The following ULK4 variants were observed in gnomAD, a reference collection of about 807,000 sequenced individuals.
The protein encoded by ULK4 is inactive serine/threonine-protein kinase ULK4.
ULK4 carries 133 observed loss-of-function variants against 160.6 expected under a neutral mutation model. The ratio of observed to expected loss-of-function variants is 0.83; its 90% confidence interval spans 0.72 to 0.96. ULK4 has a LOEUF of 0.96. Among genes scored for constraint, ULK4 ranks in the 40% least tolerant of loss-of-function variants. ULK4 has a pLI of 0.00. For missense variants in ULK4, 1,580 were observed against 1,499.5 expected (o/e 1.05, Z -0.89); for synonymous variants, 534 against 539.8 (o/e 0.99, Z 0.15).
intron 27 of ULK4, among the ~76,000 whole-genome samples, chr3:41,702,923 A>T (rs1206541507): frequency 1.4e-5 from 2 of 146,260 alleles, no homozygotes; most frequent in Non-Finnish European, 3.0e-5. Context: ...GCACAACCTC[A>T]GCTCACTGCA....
At chr3:41,677,857 T>C (rs2035782756) in intron 29 of ULK4, among the ~76,000 whole-genome samples, 1 of 152,064 alleles carries the variant, frequency 6.6e-6, no homozygotes, top group Non-Finnish European at 1.5e-5. Context: ...GAGATTAACG[T>C]TTGAATCGGT....
At position 41,789,828 on chromosome 3, in the gene ULK4, T is replaced by A; in HGVS notation, c.2026A>T (p.Thr676Ser). 2 of 1,610,492 alleles carry A rather than the reference T, an allele frequency of 1.2e-6. No individual in the cohort carries two copies. Among genetic ancestry groups the A allele is most frequent in the Non-Finnish European group, 1.7e-6 (2 of 1,178,430 alleles). Residue 676 changes from threonine to serine, a missense_variant, in exon 21 of 37, where the codon ACT (threonine) becomes TCT (serine). Coordinates refer to ENST00000301831, the MANE Select transcript of ULK4 (RefSeq NM_017886.4). ...ITAVSALCRITRHSPTAFQNV... is the reference protein window; with the variant it reads ...ITAVSALCRISRHSPTAFQNV... ...TGGAAGGCAGTAGGAGAATGGCGAGTGATTCTACACAAGGCCTACAAAGAC... is the reference window on the plus strand; with the variant it reads ...TGGAAGGCAGTAGGAGAATGGCGAGAGATTCTACACAAGGCCTACAAAGAC...
chr3:41,612,645 G>A (rs557947261), intron 31 of ULK4, among the ~76,000 whole-genome samples: 4 of 152,246 alleles, frequency 2.6e-5, no homozygotes, highest in African/African-American at 9.6e-5. Flanking sequence ...GGGGCTCGTG[G>A]TTTGCCATAC....
intron 1 of ULK4, among the ~76,000 whole-genome samples, chr3:41,955,159 G>A (rs545240203): frequency 6.6e-5 from 10 of 152,220 alleles, no homozygotes; most frequent in African/African-American, 2.4e-4. Context: ...GTGTTGTGAT[G>A]CGCGCCTGTA....
chr3:41,384,462 G>T (rs1427610276), intron 35 of ULK4, among the ~76,000 whole-genome samples: 2 of 152,184 alleles, frequency 1.3e-5, no homozygotes, highest in African/African-American at 2.4e-5. Context: ...GGGAGGCTGA[G>T]GCAGGCGATC....
intron 35 of ULK4, among the ~76,000 whole-genome samples, chr3:41,349,879 A>G (rs1032739785): frequency 6.6e-6 from 1 of 152,224 alleles, no homozygotes; most frequent in Admixed American, 6.5e-5. Context: ...CCCTATAAAT[A>G]TCACCATAGC....
chr3:41,522,328 C>T (rs776151114), intron 32 of ULK4, among the ~76,000 whole-genome samples: 14 of 151,668 alleles, frequency 9.2e-5, no homozygotes, highest in Non-Finnish European at 1.6e-4. Context: ...TTAGTAGAGA[C>T]GGGGTTTCAC....
At chr3:41,735,919 C>T (rs2038024501) in intron 22 of ULK4, among the ~76,000 whole-genome samples, 2 of 143,170 alleles carry the variant, frequency 1.4e-5, no homozygotes, top group African/African-American at 5.2e-5. Flanking sequence ...TCAATTCCCA[C>T]CTATGAGTGA....
At chr3:41,505,391 A>G (rs2085341764) in intron 32 of ULK4, among the ~76,000 whole-genome samples, 1 of 152,162 alleles carries the variant, frequency 6.6e-6, no homozygotes, top group Admixed American at 6.5e-5. Flanking sequence ...ATCCATCCAT[A>G]CTGTATTAAC....
At chr3:41,928,934 T>G (rs572215057) in intron 5 of ULK4, among the ~76,000 whole-genome samples, 10 of 152,214 alleles carry the variant, frequency 6.6e-5, no homozygotes, top group African/African-American at 1.9e-4. Flanking sequence ...ATAACATCCC[T>G]TCTGAAACTA....
At chr3:41,286,741 C>T (rs913673015) in intron 35 of ULK4, among the ~76,000 whole-genome samples, 4 of 152,214 alleles carry the variant, frequency 2.6e-5, no homozygotes, top group Non-Finnish European at 5.9e-5. Context: ...AGGGTACCTT[C>T]CTTCTAGTCC....
chr3:41,710,685 T>C (rs2037063249), intron 25 of ULK4, among the ~76,000 whole-genome samples: 1 of 151,674 alleles, frequency 6.6e-6, no homozygotes, highest in South Asian at 2.1e-4. Flanking sequence ...TCCCAGCTAC[T>C]TGGGAGGCTG....
chr3:41,398,324 A>G, intron 34 of ULK4, 60 bp from the exon 35 acceptor site: 1 of 1,560,996 alleles, frequency 6.4e-7, no homozygotes, highest in East Asian at 2.3e-5. Flanking sequence ...GTACTCAAAA[A>G]AAACACAGTA....
chr3:41,899,902 T>C (rs1486979320), intron 13 of ULK4, among the ~76,000 whole-genome samples: 1 of 151,908 alleles, frequency 6.6e-6, no homozygotes, highest in Non-Finnish European at 1.5e-5. Flanking sequence ...AAATAAGAAT[T>C]CAAGAACCTT....
At chr3:41,698,242 G>A (rs766223156) in intron 27 of ULK4, among the ~76,000 whole-genome samples, 9 of 152,186 alleles carry the variant, frequency 5.9e-5, no homozygotes, top group Non-Finnish European at 8.8e-5. Flanking sequence ...TACAAGCTGA[G>A]CATTCCTAAT....
intron 30 of ULK4, among the ~76,000 whole-genome samples, chr3:41,651,205 TC>T (rs980083304): frequency 3.9e-5 from 6 of 152,186 alleles, no homozygotes; most frequent in Admixed American, 3.9e-4. Context: ...TGTTATTCTC[TC>T]CTTCTTAAAG....
At chr3:41,639,019 C>T (rs2034073368) in intron 30 of ULK4, among the ~76,000 whole-genome samples, 1 of 152,192 alleles carries the variant, frequency 6.6e-6, no homozygotes, top group African/African-American at 2.4e-5. Flanking sequence ...TAAAACAGAA[C>T]CATGATGCCA....
At chr3:41,553,952 G>A (rs1367875193) in intron 32 of ULK4, among the ~76,000 whole-genome samples, 4 of 151,776 alleles carry the variant, frequency 2.6e-5, no homozygotes, top group Non-Finnish European at 4.4e-5. Flanking sequence ...ATTGGTAACC[G>A]TTAGCCATCC....
At position 41,721,937 on chromosome 3, in the gene ULK4, T is replaced by C. The variant is rs563612087; in HGVS notation, c.2322-4076A>G. Among the ~76,000 whole-genome samples the C allele has an allele frequency of 3.3e-5, 5 of 152,312 alleles. No individual in the cohort carries two copies. The South Asian group carries it at 1.0e-3, about 32-fold the overall frequency. On this transcript the variant is annotated intron_variant, in intron 22 of 36. Transcript: ENST00000301831. ...CATTACAATTCCTAGATTCTTTCTT[T>C]CAGCAGGGTCAAATCTTTTACCTTG...
Sources: gnomAD v4.1 joint callset for allele counts (sites outside exome capture counted in the v4.1 genomes callset) on GRCh38, gnomAD v4.1.1 for gene constraint, MANE v1.5 for transcripts, NCBI Gene and HGNC (gene_info 2026-07-23, HGNC 2026-07-21) for gene names.